Variants in SYCP2 observed in about 807,000 individuals in gnomAD.
SYCP2 encodes synaptonemal complex protein 2.
Under a neutral mutation model 211.3 loss-of-function variants are expected in SYCP2, and 55 were observed. The observed-to-expected ratio is 0.26, with a 90% CI of 0.21 to 0.33. The LOEUF (loss-of-function observed/expected upper bound fraction) is 0.33. SYCP2 is among the 10% of genes least tolerant of loss of function. The pLI is 1.00. For synonymous variants in SYCP2, 570 were observed against 555.2 expected, an observed-to-expected ratio of 1.03 and a Z score of -0.37; for missense variants, 1,731 against 1,752.0, an observed-to-expected ratio of 0.99 and a Z score of 0.21.
At chr20:59,879,862 T>TATATATAC (rs1469618397) in intron 31 of SYCP2, among the ~76,000 whole-genome samples, 42 of 116,028 alleles carry the variant, frequency 3.6e-4, no homozygotes, top group Non-Finnish European at 6.6e-4. Context: ...TATATATATA[T>TATATATAC]ACACACACAC....
rs752585944 is a variant in SYCP2, at chr20:59,864,263, T to C, written c.*48A>G. On this transcript the variant is annotated 3_prime_UTR_variant, in exon 45 of 45. Transcript: ENST00000357552. ...AGGACTATTCTTATTTCCTCAGTTA[T>C]ATACAGAGAATAATAATTAGATAAA... 21 of 1,295,770 alleles carry C rather than the reference T, an allele frequency of 1.6e-5. No homozygotes were observed. The highest frequency in any genetic ancestry group is 4.0e-5 in the Admixed American group (2 of 49,762). 80.3% of individuals were successfully genotyped at this position (1,295,770 alleles called of 1,614,324 possible). A position where few individuals can be genotyped will look rare whatever the true frequency, so the allele number is the denominator to read the frequency against.
At chr20:59,893,959 TTCTTA>T (rs1035471829) in intron 20 of SYCP2, among the ~76,000 whole-genome samples, 7 of 152,048 alleles carry the variant, frequency 4.6e-5, no homozygotes, top group Admixed American at 6.6e-5. Context: ...CATTCTTTCT[TTCTTA>T]TATTTCACTT....
chr20:59,870,315 C>G (rs899670594), intron 35 of SYCP2, among the ~76,000 whole-genome samples: 2 of 151,604 alleles, frequency 1.3e-5, no homozygotes, highest in Non-Finnish European at 3.0e-5. Flanking sequence ...GCTGTCTATA[C>G]AGAAAAGCCA....
Position 59,892,675 on chromosome 20 carries a change from C to A in SYCP2, c.1820G>T (p.Cys607Phe). Residue 607 changes from cysteine to phenylalanine, a missense_variant, in exon 23 of 45, where the codon TGT (cysteine) becomes TTT (phenylalanine). Transcript: ENST00000357552. ...CCATTTGCTGTGTATTTTATTTCCA[C>A]AGATGTTGTCTAAAACACCAGGTAA... ...TILPGVLDNI[C>F]GNKIHSKWAC... 1 of 1,608,396 alleles carries A rather than the reference C, an allele frequency of 6.2e-7. No individual in the cohort carries two copies. The highest frequency in any genetic ancestry group is 8.5e-7 in the Non-Finnish European group (1 of 1,177,298).
In SYCP2 at chr20:59,868,700, C is replaced by T. The variant is rs1158721043; in HGVS notation, c.3833-132G>A. On this transcript the variant is annotated intron_variant, in intron 37 of 44. Coordinates refer to ENST00000357552, the MANE Select transcript of SYCP2 (RefSeq NM_014258.4). ...ATTATGTTTTAGGTAATTATGCATT[C>T]AATTCTACCTAGTTTATTTTCTTTT... 26 of 1,244,576 alleles carry T rather than the reference C, an allele frequency of 2.1e-5. No individual in the cohort carries two copies. The Admixed American group carries it at 7.9e-4, about 38-fold the overall frequency. 77.1% of individuals were successfully genotyped at this position (1,244,576 alleles called of 1,614,324 possible).
intron 6 of SYCP2, 25 bp from the exon 7 acceptor site, chr20:59,919,207 A>G (rs763260933): frequency 8.8e-7 from 1 of 1,137,590 alleles, no homozygotes; most frequent in East Asian, 2.5e-5. Flanking sequence ...ATAATATTTA[A>G]TTTACAAGTT....
chr20:59,921,649 T>C (rs1007185769), intron 3 of SYCP2, among the ~76,000 whole-genome samples, 196 bp from the exon 4 acceptor site: 6 of 151,576 alleles, frequency 4.0e-5, no homozygotes, highest in African/African-American at 1.4e-4. Context: ...TCTTTGATAA[T>C]ATGATTAGAA....
In SYCP2 at chr20:59,932,135, G is replaced by C. The variant is rs2060759637; in HGVS notation, c.-120C>G. The C allele has an allele frequency of 6.6e-6, 1 of 152,174 alleles. No homozygotes were observed. The highest frequency in any genetic ancestry group is 1.9e-4 in the East Asian group (1 of 5,186). 9.4% of individuals were successfully genotyped at this position (152,174 alleles called of 1,614,324 possible). ...GGTTAGCGAGCAACACAGAGAACTA[G>C]TAAGATGATGATTGTGTATCTGCAG... On this transcript the variant is annotated 5_prime_UTR_variant, in exon 2 of 45. Coordinates refer to ENST00000357552, the MANE Select transcript of SYCP2 (RefSeq NM_014258.4).
chr20:59,867,856 T>C lies in SYCP2; in HGVS notation c.3989-9A>G. The C allele has an allele frequency of 6.3e-7, 1 of 1,592,630 alleles. No individual in the cohort carries two copies. The highest frequency in any genetic ancestry group is 2.3e-5 in the East Asian group (1 of 44,426). ...AGATACACTTTCAGACACTAAAAAA[T>C]GAAAACAATCTGCTGAAGTTAAAAT... is the stretch of plus-strand genomic sequence containing the variant. On this transcript the variant is annotated splice_polypyrimidine_tract_variant and intron_variant, in intron 38 of 44. Transcript: ENST00000357552.
chr20:59,915,166 T>A lies in SYCP2; in HGVS notation c.633A>T (p.Gly211=). 6.4e-7 allele frequency: 1 copy of A among 1,568,780 alleles called. No homozygotes were observed. Among genetic ancestry groups the A allele is most frequent in the East Asian group, 2.3e-5 (1 of 44,348 alleles). Reference sequence around the variant, plus strand: ...TAGATTTGGAAAAGACATACTTACCTCCAGCATCTAAAATCCTTTCTCCCA... The same window carrying A: ...TAGATTTGGAAAAGACATACTTACCACCAGCATCTAAAATCCTTTCTCCCA... The part of the protein sequence containing the change: ...SSMGERILDA[G]DYDLQVGIVE... The change falls in exon 10 of 45, where the codon GGA becomes GGT. Residue 211 remains glycine, a splice_region_variant and synonymous_variant. Coordinates refer to ENST00000357552, the MANE Select transcript of SYCP2 (RefSeq NM_014258.4).
At chr20:59,903,914 A>T (rs895639033) in intron 15 of SYCP2, among the ~76,000 whole-genome samples, 1 of 152,132 alleles carries the variant, frequency 6.6e-6, no homozygotes, top group Non-Finnish European at 1.5e-5. Flanking sequence ...ATCCTGTTTT[A>T]AAAAATCAGA....
chr20:59,904,996 C>A (rs764196641), intron 15 of SYCP2, among the ~76,000 whole-genome samples: 1 of 152,174 alleles, frequency 6.6e-6, no homozygotes, highest in African/African-American at 2.4e-5. Flanking sequence ...TCACCCTCAA[C>A]ACCAACATCA....
chr20:59,864,294 G>A lies in SYCP2; in HGVS notation c.*17C>T. On this transcript the variant is annotated 3_prime_UTR_variant, in exon 45 of 45. Transcript: ENST00000357552. ...GAGAATAATAATTAGATAAAGTATG[G>A]TGATAAAAACTAGATTTCACACATT... The A allele has an allele frequency of 6.6e-7, 1 of 1,520,158 alleles. No individual in the cohort carries two copies. The highest frequency in any genetic ancestry group is 1.2e-5 in the South Asian group (1 of 85,762). 94.2% of individuals were successfully genotyped at this position (1,520,158 alleles called of 1,614,324 possible). A position where few individuals can be genotyped will look rare whatever the true frequency, so the allele number is the denominator to read the frequency against.
At position 59,865,863 on chromosome 20, in the gene SYCP2, G is replaced by A; in HGVS notation, c.4323C>T (p.Asp1441=). The part of the protein sequence containing the change: ...SLKDLEKEFV[D]FWEKIFQKFS... The stretch of plus-strand genomic sequence containing the variant: ...ACTTCTGAAATATCTTTTCCCAAAA[G>A]TCCTAAATTAATTAATAAAATTTTA... Residue 1441 remains aspartate, a splice_region_variant and synonymous_variant, in exon 42 of 45, where the codon GAC becomes GAT. Coordinates refer to ENST00000357552, the MANE Select transcript of SYCP2 (RefSeq NM_014258.4). 1 of 1,363,132 alleles carries A rather than the reference G, an allele frequency of 7.3e-7. No homozygotes were observed. The highest frequency in any genetic ancestry group is 9.8e-7 in the Non-Finnish European group (1 of 1,018,004). The allele number at this position is 1,363,132 out of a possible 1,614,324, so 84.4% of individuals were successfully genotyped here.
intron 15 of SYCP2, among the ~76,000 whole-genome samples, chr20:59,904,178 T>C (rs1415780847): frequency 6.6e-6 from 1 of 152,144 alleles, no homozygotes; most frequent in African/African-American, 2.4e-5. Flanking sequence ...GGACCAAACC[T>C]GATAAAAGGC....
In SYCP2 at chr20:59,900,197, T is replaced by C. The variant is rs796630956; in HGVS notation, c.1345A>G (p.Lys449Glu). 1.7e-5 allele frequency: 27 copies of C among 1,613,110 alleles called. No homozygotes were observed. In the Admixed American group the frequency reaches 2.3e-4, roughly 14 times the overall value. ...CTGTTTTTGATATATTTTGAAGGTT[T>C]AGCAAATTCCTTTGGGGACTTTGAT... ...EKSKSPKEFA[K>E]PSKYIKNSDK... The change falls in exon 18 of 45, where the codon AAA becomes GAA. Residue 449 changes from lysine to glutamate, a missense_variant. Physicochemically the swap from Lys to Glu is moderately conservative, Grantham distance 56. Around this residue, in one of 3 missense-constraint regions of SYCP2, gnomAD observed 1,387 missense variants for 1,351.3 expected, o/e 1.03. Coordinates refer to ENST00000357552, the MANE Select transcript of SYCP2 (RefSeq NM_014258.4).
At chr20:59,894,584 C>A (rs1031149418) in intron 20 of SYCP2, among the ~76,000 whole-genome samples, 4 of 151,902 alleles carry the variant, frequency 2.6e-5, no homozygotes, top group Non-Finnish European at 1.5e-5. Context: ...TATTTATGAA[C>A]ATATTTATGC....
At chr20:59,892,513 G>A (rs2059926536) in intron 23 of SYCP2, 55 bp downstream of exon 23, 6 of 1,538,244 alleles carry the variant, frequency 3.9e-6, no homozygotes, top group Non-Finnish European at 5.2e-6. Context: ...ATACTTGTTA[G>A]ACATTTGAGG....
intron 34 of SYCP2, among the ~76,000 whole-genome samples, chr20:59,874,283 A>G: frequency 6.6e-6 from 1 of 152,132 alleles, no homozygotes; most frequent in East Asian, 1.9e-4. Flanking sequence ...TGTAACCACA[A>G]GAACTTTCAA....
Sources: gnomAD v4.1 joint callset for allele counts (sites outside exome capture counted in the v4.1 genomes callset) on GRCh38, gnomAD v4.1.1 for gene constraint, gnomAD v4.1.1 regional missense constraint, MANE v1.5 for transcripts, NCBI Gene and HGNC (gene_info 2026-07-23, HGNC 2026-07-21) for gene names.